Variants in CCDC192 observed in about 807,000 individuals in gnomAD.
CCDC192 encodes the protein coiled-coil domain containing 192, also known as coiled-coil domain-containing protein 192.
chr5:127,780,858 T>G (rs1027331347), intron 3 of CCDC192, among the ~76,000 whole-genome samples: 2 of 152,258 alleles, frequency 1.3e-5, no homozygotes, highest in African/African-American at 4.8e-5. Context: ...TTTGTTTTTA[T>G]TGCATTTGCT....
chr5:127,881,200 T>C (rs1387605484), intron 6 of CCDC192, among the ~76,000 whole-genome samples: 1 of 152,310 alleles, frequency 6.6e-6, no homozygotes, highest in East Asian at 1.9e-4. Flanking sequence ...GGAGTCCCCT[T>C]CTAGCCTTCA....
intron 5 of CCDC192, among the ~76,000 whole-genome samples, chr5:127,872,636 A>C (rs1360795786): frequency 6.6e-6 from 1 of 152,156 alleles, no homozygotes; most frequent in Non-Finnish European, 1.5e-5. Context: ...GCCAGGATGC[A>C]TCCTATCCTG....
At chr5:127,904,973 T>C (rs1173608097) in intron 6 of CCDC192, among the ~76,000 whole-genome samples, 1 of 152,088 alleles carries the variant, frequency 6.6e-6, no homozygotes, top group Non-Finnish European at 1.5e-5. Flanking sequence ...ACCGTTTGGC[T>C]TGTTCTTTCC....
At chr5:127,709,102 G>GGA (rs540628735) in intron 2 of CCDC192, among the ~76,000 whole-genome samples, 24 of 57,366 alleles carry the variant, frequency 4.2e-4, no homozygotes, top group South Asian at 1.5e-3. Context: ...AGTGGGAGCA[G>GGA]GAGAGAGAGA....
intron 5 of CCDC192, among the ~76,000 whole-genome samples, chr5:127,854,348 C>T (rs991209731): frequency 2.6e-5 from 4 of 152,052 alleles, no homozygotes; most frequent in Admixed American, 6.5e-5. Flanking sequence ...TTTACGGTTG[C>T]GCCTTCTGCA....
At chr5:127,935,226 T>C (rs1356453486) in intron 6 of CCDC192, 4 of 152,254 alleles carry the variant, frequency 2.6e-5, no homozygotes, top group Non-Finnish European at 5.9e-5. Context: ...TTTTATCTTA[T>C]TTATTCTCTA....
chr5:127,860,008 C>T (rs1017119357), intron 5 of CCDC192, among the ~76,000 whole-genome samples: 1 of 152,018 alleles, frequency 6.6e-6, no homozygotes, highest in Non-Finnish European at 1.5e-5. Context: ...CTCCTTGTAC[C>T]CCTTTCTTCC....
chr5:127,770,607 A>AT (rs1386184534), intron 3 of CCDC192, among the ~76,000 whole-genome samples: 1 of 152,178 alleles, frequency 6.6e-6, no homozygotes, highest in East Asian at 1.9e-4. Flanking sequence ...TATATTGGGC[A>AT]TATTAGGGAT....
intron 2 of CCDC192, among the ~76,000 whole-genome samples, chr5:127,713,826 G>A (rs181037192): frequency 3.3e-4 from 50 of 152,164 alleles, no homozygotes; most frequent in Non-Finnish European, 6.0e-4. Context: ...TATCTATTAC[G>A]TCAGACATTT....
intron 6 of CCDC192, among the ~76,000 whole-genome samples, chr5:127,902,063 G>A (rs968670693): frequency 6.6e-6 from 1 of 152,152 alleles, no homozygotes; most frequent in Non-Finnish European, 1.5e-5. Context: ...CTGAGGTCAG[G>A]AGTTCAAGAC....
chr5:127,740,620 T>A (rs1753357815), intron 2 of CCDC192, among the ~76,000 whole-genome samples: 1 of 152,160 alleles, frequency 6.6e-6, no homozygotes, highest in African/African-American at 2.4e-5. Context: ...TTTTAAAAAA[T>A]TTACCTATTT....
At chr5:127,750,293 C>G (rs1754065156) in intron 2 of CCDC192, among the ~76,000 whole-genome samples, 1 of 152,138 alleles carries the variant, frequency 6.6e-6, no homozygotes, top group South Asian at 2.1e-4. Context: ...GAATGCATCC[C>G]AGAGATTCTG....
intron 3 of CCDC192, among the ~76,000 whole-genome samples, chr5:127,754,857 C>G (rs1244505320): frequency 1.3e-5 from 2 of 152,126 alleles, no homozygotes; most frequent in Non-Finnish European, 2.9e-5. Flanking sequence ...TTGAAACTTA[C>G]AGAAGCAAAG....
rs1475189713 is a variant in CCDC192, at chr5:127,719,516, T to C, written c.114+11756T>C. Among the ~76,000 whole-genome samples, 488 of 119,206 alleles carry C rather than the reference T, an allele frequency of 4.1e-3. 11 individuals are homozygous for C. The highest frequency in any genetic ancestry group is 0.016 in the African/African-American group (456 of 28,102). 78.2% of individuals were successfully genotyped at this position (119,206 alleles called of 152,430 possible). The stretch of plus-strand genomic sequence containing the variant: ...ATATACACACACATACATATATATA[T>C]ATATATATACACACATACATATATA... On this transcript the variant is annotated intron_variant, in intron 2 of 6. Transcript: ENST00000514853.
At chr5:127,887,106 T>A (rs1228265673) in intron 6 of CCDC192, among the ~76,000 whole-genome samples, 3 of 152,074 alleles carry the variant, frequency 2.0e-5, no homozygotes, top group African/African-American at 4.8e-5. Context: ...GGCAGGCTGA[T>A]CACTTGAGGT....
chr5:127,883,494 A>C (rs1752434302), intron 6 of CCDC192, among the ~76,000 whole-genome samples: 1 of 152,252 alleles, frequency 6.6e-6, no homozygotes, highest in Non-Finnish European at 1.5e-5. Context: ...AAAAATCTAT[A>C]GGTCTCATTC....
chr5:127,786,393 T>C, intron 3 of CCDC192: 1 of 625,874 alleles, frequency 1.6e-6, no homozygotes, highest in Non-Finnish European at 3.0e-6. Flanking sequence ...TGTAGGGCCC[T>C]TTGCAAATGC....
At chr5:127,705,720 G>A (rs1457428403) in intron 1 of CCDC192, among the ~76,000 whole-genome samples, 6 of 152,114 alleles carry the variant, frequency 3.9e-5, no homozygotes, top group African/African-American at 1.2e-4. Context: ...AAGCAGAGAA[G>A]AGAGTATGAG....
intron 5 of CCDC192, among the ~76,000 whole-genome samples, chr5:127,835,309 C>G (rs1749987152): frequency 6.6e-6 from 1 of 152,208 alleles, no homozygotes; most frequent in Non-Finnish European, 1.5e-5. Context: ...AGCACAAAAT[C>G]TGAAAGATTT....
Sources: gnomAD v4.1 joint callset for allele counts (sites outside exome capture counted in the v4.1 genomes callset) on GRCh38, gnomAD v4.1.1 for gene constraint, MANE v1.5 for transcripts, NCBI Gene and HGNC (gene_info 2026-07-23, HGNC 2026-07-21) for gene names.